The following ADGRB3 variants were observed in gnomAD, a reference collection of about 807,000 sequenced individuals.
ADGRB3 encodes adhesion G protein-coupled receptor B3.
Under a neutral mutation model 193.4 loss-of-function variants are expected in ADGRB3, and 37 were observed. The ratio of observed to expected loss-of-function variants is 0.19; its 90% CI spans 0.15 to 0.25. The LOEUF is 0.25. Ranked by LOEUF, ADGRB3 falls within the 10% of genes least tolerant of loss-of-function variation. The probability of loss-of-function intolerance (pLI) is 1.00; values close to 1 mark genes in which losing one functional copy is unlikely to be tolerated. For missense variants in ADGRB3, 1,637 were observed against 1,852.9 expected (o/e 0.88, Z 2.14); for synonymous variants, 690 against 644.2 (o/e 1.07, Z -1.08).
chr6:68,955,378 C>G (rs558748927), intron 6 of ADGRB3, among the ~76,000 whole-genome samples: 1 of 152,212 alleles, frequency 6.6e-6, no homozygotes, highest in South Asian at 2.1e-4. Flanking sequence ...AATATGAGCT[C>G]GATAAGGTCT....
intron 17 of ADGRB3, among the ~76,000 whole-genome samples, chr6:69,145,194 A>G (rs2150339161): frequency 6.6e-6 from 1 of 152,290 alleles, no homozygotes; most frequent in Admixed American, 6.5e-5. Flanking sequence ...CCTGCCAAGC[A>G]TGTGGAGCAG....
At chr6:68,951,198 A>T (rs1215695410) in intron 6 of ADGRB3, among the ~76,000 whole-genome samples, 2 of 152,142 alleles carry the variant, frequency 1.3e-5, no homozygotes, top group East Asian at 3.9e-4. Flanking sequence ...AATATTAGTG[A>T]ATTTATTTTA....
intron 3 of ADGRB3, among the ~76,000 whole-genome samples, chr6:68,892,845 C>A (rs1370092871): frequency 2.6e-5 from 4 of 152,154 alleles, no homozygotes; most frequent in Middle Eastern, 3.4e-3. Context: ...GAAATAGTAT[C>A]AGTTGAAAGA....
intron 17 of ADGRB3, among the ~76,000 whole-genome samples, chr6:69,227,794 C>T (rs148524296): frequency 6.6e-6 from 1 of 152,232 alleles, no homozygotes; most frequent in Non-Finnish European, 1.5e-5. Context: ...CAGAGTTCAT[C>T]ATTAAATGAT....
intron 6 of ADGRB3, among the ~76,000 whole-genome samples, chr6:68,946,468 C>T (rs1343581654): frequency 6.6e-6 from 1 of 152,068 alleles, no homozygotes; most frequent in Non-Finnish European, 1.5e-5. Flanking sequence ...TTCTGAAAAC[C>T]TCATATAAAT....
chr6:69,100,249 A>G (rs1355408386), intron 17 of ADGRB3, among the ~76,000 whole-genome samples: 1 of 152,134 alleles, frequency 6.6e-6, no homozygotes, highest in Non-Finnish European at 1.5e-5. Context: ...TTATATATTC[A>G]CGCTTTCTAT....
intron 17 of ADGRB3, among the ~76,000 whole-genome samples, chr6:69,137,990 G>T (rs1442243940): frequency 1.3e-5 from 2 of 152,108 alleles, no homozygotes; most frequent in Non-Finnish European, 2.9e-5. Context: ...GTTGCCTTGG[G>T]GTCAGGCCCA....
At chr6:69,255,248 G>T (rs1353911758) in intron 20 of ADGRB3, among the ~76,000 whole-genome samples, 1 of 152,088 alleles carries the variant, frequency 6.6e-6, no homozygotes, top group Non-Finnish European at 1.5e-5. Context: ...GGGTCAAATG[G>T]TATTTCTAGT....
In ADGRB3 at chr6:69,389,436, AAGCTTTCTCTGCTGC is replaced by A. The variant is rs1770144684; in HGVS notation, c.*550_*564del. The A allele has an allele frequency of 6.6e-6, 1 of 152,556 alleles. No individual in the cohort carries two copies. Among genetic ancestry groups the A allele is most frequent in the South Asian group, 2.1e-4 (1 of 4,828 alleles). 9.5% of individuals were successfully genotyped at this position (152,556 alleles called of 1,614,324 possible). A position where few individuals can be genotyped will look rare whatever the true frequency, so the allele number is the denominator to read the frequency against. On this transcript the variant is annotated 3_prime_UTR_variant, in exon 32 of 32. Transcript: ENST00000370598. ...GCAGTTTTCTCTAGAAAGCTCTGAG[AAGCTTTCTCTGCTGC>A]AGCTGTGTATAAAATATTTAAAATG...
chr6:69,252,651 T>C (rs2127267710), intron 20 of ADGRB3, among the ~76,000 whole-genome samples: 1 of 152,218 alleles, frequency 6.6e-6, no homozygotes, highest in East Asian at 1.9e-4. Flanking sequence ...AAATCCTCTA[T>C]TGTGATGTGT....
chr6:68,690,882 T>C (rs1747497477), intron 3 of ADGRB3, among the ~76,000 whole-genome samples: 2 of 152,110 alleles, frequency 1.3e-5, no homozygotes, highest in African/African-American at 4.8e-5. Flanking sequence ...AGAGAACACA[T>C]TTTGGGTTGC....
At chr6:68,639,729 G>C (rs1036053524) in intron 3 of ADGRB3, among the ~76,000 whole-genome samples, 1 of 152,092 alleles carries the variant, frequency 6.6e-6, no homozygotes, top group Non-Finnish European at 1.5e-5. Flanking sequence ...TGAGGAGGGA[G>C]AGGGGTTTCT....
rs531543192 is a variant in ADGRB3, at chr6:68,734,386, G to A, written c.757+94954G>A. ...CTTTTCCTTTCTGAGCACTGCAAAC[G>A]TAAAGATTATCTTCTGTCAGCTTCT... On this transcript the variant is annotated intron_variant, in intron 3 of 31. Transcript: ENST00000370598. Among the ~76,000 whole-genome samples the A allele has an allele frequency of 4.6e-5, 7 of 151,922 alleles. No individual in the cohort carries two copies. In the South Asian group the frequency reaches 1.5e-3, roughly 32 times the overall value.
At chr6:68,680,230 A>G (rs1476197648) in intron 3 of ADGRB3, among the ~76,000 whole-genome samples, 2 of 152,130 alleles carry the variant, frequency 1.3e-5, no homozygotes, top group Non-Finnish European at 2.9e-5. Context: ...AGACACAAGT[A>G]TATTGTTGTC....
intron 3 of ADGRB3, among the ~76,000 whole-genome samples, chr6:68,662,370 A>C (rs1221754385): frequency 6.6e-6 from 1 of 151,582 alleles, no homozygotes; most frequent in Admixed American, 6.6e-5. Context: ...TCTAAGATAA[A>C]GAGAGAATTT....
chr6:68,860,179 A>G (rs1336416310), intron 3 of ADGRB3, among the ~76,000 whole-genome samples: 1 of 152,142 alleles, frequency 6.6e-6, no homozygotes. Context: ...ATAAAAAGAA[A>G]ATCAAGCCTC....
chr6:69,270,233 TATC>T (rs5877203), intron 20 of ADGRB3, among the ~76,000 whole-genome samples: 132,908 of 151,902 alleles, frequency 0.87, 58,451 homozygotes, highest in Middle Eastern at 0.97. Context: ...CAAGTACATT[TATC>T]ATCAGTTAAA....
chr6:69,060,256 C>T (rs1771707871), intron 15 of ADGRB3, among the ~76,000 whole-genome samples: 1 of 150,850 alleles, frequency 6.6e-6, no homozygotes, highest in South Asian at 2.1e-4. Context: ...CTCTCCTCCT[C>T]TGTCTCTCCT....
intron 17 of ADGRB3, among the ~76,000 whole-genome samples, chr6:69,099,730 T>C (rs572152861): frequency 5.3e-5 from 8 of 152,184 alleles, no homozygotes; most frequent in Non-Finnish European, 1.2e-4. Flanking sequence ...TTCATTCTCA[T>C]AGGGCAGAAT....
Sources: gnomAD v4.1 joint callset for allele counts (sites outside exome capture counted in the v4.1 genomes callset) on GRCh38, gnomAD v4.1.1 for gene constraint, MANE v1.5 for transcripts, NCBI Gene and HGNC (gene_info 2026-07-23, HGNC 2026-07-21) for gene names.